The following KCNQ1 variants were observed in gnomAD, a reference collection of about 807,000 sequenced individuals.
KCNQ1 encodes the protein potassium voltage-gated channel subfamily Q member 1, also known as potassium voltage-gated channel subfamily KQT member 1.
A neutral mutation model predicts 72.4 loss-of-function variants in KCNQ1; 49 were observed. The observed-to-expected ratio is 0.68, with a 90% CI of 0.54 to 0.86. The LOEUF (loss-of-function observed/expected upper bound fraction) is 0.86, where lower values mean the gene tolerates loss of function less well. Among genes scored for constraint, KCNQ1 ranks in the 40% least tolerant of loss-of-function variants. The pLI is 0.00. For synonymous variants in KCNQ1, 450 were observed against 412.6 expected (o/e 1.09, Z -1.10); for missense variants, 790 against 945.1 (o/e 0.84, Z 2.15).
chr11:2,665,896 T>G (rs1000295038), intron 11 of KCNQ1: 1 of 398,702 alleles, frequency 2.5e-6, no homozygotes, highest in Non-Finnish European at 4.4e-6. Flanking sequence ...AGGTGTGGCC[T>G]GGGTGAGCTT....
At chr11:2,609,868 T>A (rs1437664660) in intron 10 of KCNQ1, 4 of 398,036 alleles carry the variant, frequency 1.0e-5, no homozygotes, top group Non-Finnish European at 1.8e-5. Flanking sequence ...ACATGATATA[T>A]CTTTTTCCAT....
intron 11 of KCNQ1, chr11:2,667,124 G>A (rs1564851373): frequency 2.5e-6 from 1 of 398,578 alleles, no homozygotes; most frequent in Admixed American, 4.4e-5. Flanking sequence ...ATGGCTCAGT[G>A]GGAAAGAGAT....
At chr11:2,522,274 G>C (rs116613972) in intron 1 of KCNQ1, among the ~76,000 whole-genome samples, 5 of 151,466 alleles carry the variant, frequency 3.3e-5, no homozygotes, top group African/African-American at 9.7e-5. Flanking sequence ...ATGAGCTGGG[G>C]GGGGGTCGGT....
intron 11 of KCNQ1, among the ~76,000 whole-genome samples, chr11:2,718,296 G>T (rs1230834663): frequency 6.6e-6 from 1 of 152,162 alleles, no homozygotes; most frequent in African/African-American, 2.4e-5. Context: ...CACACTTAGG[G>T]TGCCTCACCA....
chr11:2,457,321 T>C lies in KCNQ1; in HGVS notation c.386+11837T>C, dbSNP rs1262658084. On this transcript the variant is annotated intron_variant, in intron 1 of 15. Coordinates refer to ENST00000155840, the MANE Select transcript of KCNQ1 (RefSeq NM_000218.3). This position sits in a 1 kb window ranked among gnomAD's most constrained non-coding sequence, Gnocchi z 5.0. ...GAGTTTATACCCAAAGAAAAATTAG[T>C]CGTTCTACCAAAAAGACATATGCAC... is the stretch of plus-strand genomic sequence containing the variant. 6.6e-6 allele frequency among the ~76,000 whole-genome samples: 1 copy of C among 152,182 alleles called. No homozygotes were observed. The highest frequency in any genetic ancestry group is 1.5e-5 in the Non-Finnish European group (1 of 68,032).
At chr11:2,822,704 C>A (rs1847762887) in intron 15 of KCNQ1, among the ~76,000 whole-genome samples, 1 of 152,024 alleles carries the variant, frequency 6.6e-6, no homozygotes, top group African/African-American at 2.4e-5. Flanking sequence ...TGAACACGGG[C>A]CAAAGGAGAA....
chr11:2,762,446 C>A lies in KCNQ1; in HGVS notation c.1515-6398C>A, dbSNP rs231877. Among the ~76,000 whole-genome samples the A allele has an allele frequency of 0.62, 94,836 of 151,996 alleles. 29,804 individuals carry two copies. Among genetic ancestry groups the A allele is most frequent in the East Asian group, 0.76 (3,934 of 5,164 alleles). On this transcript the variant is annotated intron_variant, in intron 11 of 15. Transcript: ENST00000155840. This position sits in a 1 kb window ranked among gnomAD's most constrained non-coding sequence, Gnocchi z 4.3. ...GGTGCATCCACATTGTTCCAGCACC[C>A]TTTATTGAAAAGCGTATCCTTCCGC...
chr11:2,581,365 C>T lies in KCNQ1; in HGVS notation c.922-2070C>T, dbSNP rs572547586. ...CTCCGATGCCCCGCCCACTTTGCAG[C>T]CCTGTGTCTGCCTCTGCAACTCCCC... On this transcript the variant is annotated intron_variant, in intron 6 of 15. Transcript: ENST00000155840. Among the ~76,000 whole-genome samples, 20 of 152,348 alleles carry T rather than the reference C, an allele frequency of 1.3e-4. 1 individual carries two copies. In the South Asian group the frequency reaches 4.1e-3, roughly 32 times the overall value.
chr11:2,597,491 A>C (rs1848748843), intron 10 of KCNQ1, among the ~76,000 whole-genome samples: 3 of 152,326 alleles, frequency 2.0e-5, no homozygotes, highest in South Asian at 4.1e-4. Flanking sequence ...AAAACTGTGA[A>C]GCTTCACTCT....
intron 1 of KCNQ1, among the ~76,000 whole-genome samples, chr11:2,469,742 C>T (rs1050714182): frequency 4.0e-5 from 6 of 151,692 alleles, no homozygotes; most frequent in Admixed American, 2.0e-4. Context: ...GGCGCGATCT[C>T]GGCTCACTGC....
At chr11:2,747,126 C>G (rs943746703) in intron 11 of KCNQ1, among the ~76,000 whole-genome samples, 1 of 152,204 alleles carries the variant, frequency 6.6e-6, no homozygotes, top group Non-Finnish European at 1.5e-5. Flanking sequence ...GGTGGAAATG[C>G]AAATCTAATT....
intron 11 of KCNQ1, chr11:2,697,105 C>T (rs1850690503): frequency 2.5e-6 from 1 of 398,422 alleles, no homozygotes; most frequent in South Asian, 1.3e-4. Context: ...CTTTCATTCT[C>T]ACAAAGATAA....
intron 11 of KCNQ1, among the ~76,000 whole-genome samples, chr11:2,709,421 G>GC (rs1363935991): frequency 1.2e-4 from 18 of 150,284 alleles, no homozygotes; most frequent in African/African-American, 4.4e-4. Flanking sequence ...CTGCAGGGCT[G>GC]TTTTTTTTTT....
chr11:2,546,533 C>T (rs989828837), intron 2 of KCNQ1, among the ~76,000 whole-genome samples: 1 of 152,164 alleles, frequency 6.6e-6, no homozygotes, highest in African/African-American at 2.4e-5. Flanking sequence ...TCTATTAATT[C>T]ATTCTTGGGA....
intron 15 of KCNQ1, among the ~76,000 whole-genome samples, chr11:2,814,015 G>C (rs1297072484): frequency 6.6e-6 from 1 of 151,330 alleles, no homozygotes; most frequent in Non-Finnish European, 1.5e-5. Context: ...TGGATGGATG[G>C]ATGATGGATG....
chr11:2,534,991 C>T (rs192217848), intron 2 of KCNQ1, among the ~76,000 whole-genome samples: 27 of 152,316 alleles, frequency 1.8e-4, no homozygotes, highest in African/African-American at 6.0e-4. Flanking sequence ...GCCCCTGGAG[C>T]TAGGCCCAGA....
At chr11:2,694,794 GTA>G (rs2133896407) in intron 11 of KCNQ1, 1 of 398,640 alleles carries the variant, frequency 2.5e-6, no homozygotes, top group East Asian at 3.6e-5. Context: ...GACTCGAAAG[GTA>G]GTCGTCAGCT....
intron 1 of KCNQ1, among the ~76,000 whole-genome samples, chr11:2,448,893 T>C (rs1846081403): frequency 6.6e-6 from 1 of 152,130 alleles, no homozygotes; most frequent in South Asian, 2.1e-4. Flanking sequence ...TCGTACTAGT[T>C]GGGGGGAACA....
intron 7 of KCNQ1, among the ~76,000 whole-genome samples, chr11:2,583,972 A>G (rs1489912708): frequency 2.0e-5 from 3 of 152,044 alleles, no homozygotes; most frequent in Non-Finnish European, 2.9e-5. Flanking sequence ...CTAGTTCACA[A>G]TGCCTGTATG....
Sources: allele counts gnomAD v4.1 joint callset (sites outside exome capture counted in the v4.1 genomes callset), GRCh38; gene constraint gnomAD v4.1.1; non-coding constraint Gnocchi (gnomAD v3.1); transcripts MANE v1.5; gene names NCBI Gene and HGNC (gene_info 2026-07-23, HGNC 2026-07-21).